Variants in CLYBL observed in about 807,000 individuals in gnomAD.
CLYBL encodes citramalyl-CoA lyase.
In CLYBL, 31 loss-of-function variants were observed where a neutral mutation model predicts 38.9. The observed-to-expected ratio is 0.80, with a 90% CI of 0.60 to 1.08. The LOEUF is 1.08. CLYBL is among the 50% of genes least tolerant of loss of function. The probability of loss-of-function intolerance (pLI) is 0.00; values close to 1 mark genes in which losing one functional copy is unlikely to be tolerated. For synonymous variants in CLYBL, 171 were observed against 158.6 expected, an observed-to-expected ratio of 1.08 and a Z score of -0.59; for missense variants, 434 against 411.6, an observed-to-expected ratio of 1.05 and a Z score of -0.47.
intron 1 of CLYBL, among the ~76,000 whole-genome samples, chr13:99,640,002 C>A (rs2047071494): frequency 1.3e-5 from 2 of 152,180 alleles, no homozygotes; most frequent in South Asian, 4.1e-4. Flanking sequence ...AAATTCCAGG[C>A]ATGTGATTGT....
chr13:99,751,606 G>A (rs2048959197), intron 1 of CLYBL, among the ~76,000 whole-genome samples: 1 of 151,996 alleles, frequency 6.6e-6, no homozygotes, highest in African/African-American at 2.4e-5. Flanking sequence ...AGTATTTAGA[G>A]TAGTCAAATT....
chr13:99,728,352 C>T (rs2048519881), intron 1 of CLYBL, among the ~76,000 whole-genome samples: 3 of 148,906 alleles, frequency 2.0e-5, no homozygotes, highest in Admixed American at 1.3e-4. Flanking sequence ...GATTTCGGCT[C>T]ACTGCAACCT....
chr13:99,758,317 C>T (rs1028890542), intron 1 of CLYBL, among the ~76,000 whole-genome samples: 2 of 152,112 alleles, frequency 1.3e-5, no homozygotes, highest in Non-Finnish European at 2.9e-5. Flanking sequence ...TGGGGGCCCC[C>T]CTCTGGGATG....
intron 1 of CLYBL, among the ~76,000 whole-genome samples, chr13:99,613,366 C>G (rs776482647): frequency 6.6e-6 from 1 of 152,124 alleles, no homozygotes; most frequent in Non-Finnish European, 1.5e-5. Context: ...ACCTGAGATT[C>G]TGGGTCAACA....
intron 2 of CLYBL, among the ~76,000 whole-genome samples, chr13:99,818,577 CTG>C (rs2050509612): frequency 1.3e-5 from 2 of 152,104 alleles, no homozygotes; most frequent in Non-Finnish European, 2.9e-5. Flanking sequence ...TGGGGTTTCT[CTG>C]TTACAACAAC....
In CLYBL at chr13:99,849,868, C is replaced by T. The variant is rs186851435; in HGVS notation, c.250-8993C>T. Among the ~76,000 whole-genome samples the T allele has an allele frequency of 1.2e-3, 186 of 149,514 alleles. 1 individual carries two copies. The highest frequency in any genetic ancestry group is 4.0e-3 in the African/African-American group (155 of 38,950). On this transcript the variant is annotated intron_variant, in intron 2 of 8. Coordinates refer to ENST00000339105, the MANE Select transcript of CLYBL (RefSeq NM_206808.5). This position sits in a 1 kb window ranked among gnomAD's most constrained non-coding sequence, Gnocchi z 4.9. ...AGCCAAGGAGGCAGACAGAAGTAAGCCCCTTCTTTCCACTGGAGTTTTCTC... is the reference window on the plus strand; with the variant it reads ...AGCCAAGGAGGCAGACAGAAGTAAGTCCCTTCTTTCCACTGGAGTTTTCTC...
intron 2 of CLYBL, among the ~76,000 whole-genome samples, chr13:99,847,249 C>G (rs751675518): frequency 4.6e-5 from 7 of 152,198 alleles, no homozygotes; most frequent in African/African-American, 9.7e-5. Context: ...GGACCCTGCC[C>G]TGCACAGGTA....
intron 1 of CLYBL, among the ~76,000 whole-genome samples, chr13:99,630,351 T>C (rs985834781): frequency 3.3e-5 from 5 of 152,152 alleles, no homozygotes; most frequent in African/African-American, 1.2e-4. Context: ...ATAATATCTT[T>C]GTGAGAAGTG....
intron 1 of CLYBL, among the ~76,000 whole-genome samples, chr13:99,730,352 G>A (rs545704695): frequency 2.0e-5 from 3 of 152,364 alleles, no homozygotes; most frequent in Non-Finnish European, 4.4e-5. Flanking sequence ...CAGGCCCAGG[G>A]GAGGTGCAGC....
chr13:99,746,678 G>A (rs1386147089), intron 1 of CLYBL, among the ~76,000 whole-genome samples: 1 of 152,114 alleles, frequency 6.6e-6, no homozygotes, highest in Non-Finnish European at 1.5e-5. Flanking sequence ...CTCTACAGAG[G>A]CAAAGAGAAC....
downstream of CLYBL, chr13:99,896,630 C>T (rs1410639883): frequency 1.3e-5 from 2 of 152,280 alleles, no homozygotes; most frequent in East Asian, 3.8e-4. Flanking sequence ...ATCCCGGTCC[C>T]CTGCTTTTCA....
intron 1 of CLYBL, among the ~76,000 whole-genome samples, chr13:99,672,471 T>G (rs9517824): frequency 0.39 from 59,988 of 151,918 alleles, 12,273 homozygotes; most frequent in East Asian, 0.56. Context: ...GTATTTCAGG[T>G]CTATAATAAA....
chr13:99,854,378 C>T (rs1235368991), intron 2 of CLYBL, among the ~76,000 whole-genome samples: 1 of 150,862 alleles, frequency 6.6e-6, no homozygotes, highest in Non-Finnish European at 1.5e-5. Flanking sequence ...AGGGGCTCCT[C>T]TTGGTTGTCA....
At chr13:99,883,214 C>T (rs2052259931) in intron 7 of CLYBL, among the ~76,000 whole-genome samples, 1 of 152,072 alleles carries the variant, frequency 6.6e-6, no homozygotes, top group Admixed American at 6.5e-5. Context: ...TAAGAAAAGT[C>T]AAGCAGCTAA....
intron 1 of CLYBL, among the ~76,000 whole-genome samples, chr13:99,763,320 C>A (rs1232344362): frequency 2.6e-5 from 4 of 151,934 alleles, no homozygotes; most frequent in Non-Finnish European, 5.9e-5. Flanking sequence ...TATATGACCC[C>A]TATATTTTGA....
At chr13:99,712,366 G>A (rs905655984) in intron 1 of CLYBL, among the ~76,000 whole-genome samples, 2 of 134,434 alleles carry the variant, frequency 1.5e-5, no homozygotes, top group African/African-American at 2.8e-5. Flanking sequence ...ACAGGGTCTC[G>A]CTCTATAGCG....
chr13:99,817,061 G>T (rs904664875), intron 2 of CLYBL, among the ~76,000 whole-genome samples: 1 of 152,256 alleles, frequency 6.6e-6, no homozygotes, highest in South Asian at 2.1e-4. Flanking sequence ...TTTCTCAGCC[G>T]ATTCAGCTCT....
At chr13:99,882,500 C>T (rs1314589235) in intron 7 of CLYBL, among the ~76,000 whole-genome samples, 2 of 151,986 alleles carry the variant, frequency 1.3e-5, no homozygotes, top group Admixed American at 6.6e-5. Flanking sequence ...ACTAAAAATA[C>T]AAAAAGTTAG....
chr13:99,845,900 T>G (rs7999726), intron 2 of CLYBL, among the ~76,000 whole-genome samples: 101,268 of 151,464 alleles, frequency 0.67, 34,098 homozygotes, highest in East Asian at 0.78. Flanking sequence ...TGTTGATTTT[T>G]GAAGAAAATA....
Sources: gnomAD v4.1 joint callset for allele counts (sites outside exome capture counted in the v4.1 genomes callset) on GRCh38, gnomAD v4.1.1 for gene constraint, Gnocchi (gnomAD v3.1) non-coding constraint, MANE v1.5 for transcripts, NCBI Gene and HGNC (gene_info 2026-07-23, HGNC 2026-07-21) for gene names.